Variants in BEST3 observed in about 807,000 individuals in gnomAD.
BEST3 encodes bestrophin 3.
A neutral mutation model predicts 47.1 loss-of-function variants in BEST3; 50 were observed. The ratio of observed to expected loss-of-function variants is 1.06; its 90% CI spans 0.85 to 1.34. The LOEUF is 1.34. Ranked by LOEUF, BEST3 falls within the 40% of genes most tolerant of loss-of-function variation. The pLI, the probability that BEST3 is intolerant of heterozygous loss-of-function variation, is 0.00. For synonymous variants in BEST3, 282 were observed against 298.8 expected (o/e 0.94, Z 0.58); for missense variants, 765 against 817.0 (o/e 0.94, Z 0.78).
chr12:69,662,437 T>G (rs775511), intron 9 of BEST3, among the ~76,000 whole-genome samples: 1 of 152,112 alleles, frequency 6.6e-6, no homozygotes. Flanking sequence ...AGTCTTCACT[T>G]ACTAAAATAT....
chr12:69,654,367 G>A lies in BEST3; in HGVS notation c.*540C>T, dbSNP rs551643548. 11 of 984,842 alleles carry A rather than the reference G, an allele frequency of 1.1e-5. No individual in the cohort carries two copies. Among genetic ancestry groups the A allele is most frequent in the Non-Finnish European group, 1.3e-5 (11 of 829,600 alleles). The allele number at this position is 984,842 out of a possible 1,614,324, so 61.0% of individuals were successfully genotyped here. On this transcript the variant is annotated 3_prime_UTR_variant, in exon 10 of 10. Transcript: ENST00000330891. ...TGATGAAGCTTAAGAATCAGGAAGT[G>A]ATAATAACAATAATAGTTATAAAAG... is the stretch of plus-strand genomic sequence containing the variant.
chr12:69,664,929 G>T (rs1279288721), intron 9 of BEST3, among the ~76,000 whole-genome samples: 1 of 152,082 alleles, frequency 6.6e-6, no homozygotes, highest in African/African-American at 2.4e-5. Flanking sequence ...CGTAAGATTT[G>T]CCCAGAAGAG....
chr12:69,673,106 C>A, intron 7 of BEST3, 141 bp from the exon 8 acceptor site: 1 of 628,522 alleles, frequency 1.6e-6, no homozygotes, highest in Non-Finnish European at 2.7e-6. Context: ...ATTGTTCTAC[C>A]GAGATATTTA....
intron 9 of BEST3, among the ~76,000 whole-genome samples, chr12:69,648,352 G>A (rs1883104522): frequency 6.6e-6 from 1 of 152,058 alleles, no homozygotes. Flanking sequence ...GAATTTGGGG[G>A]GATCTGAAAA....
rs1884670881 is a variant in BEST3 at position 69,672,930 on chromosome 12, A to G, written c.903T>C (p.Asp301=). 3 of 1,613,632 alleles carry G rather than the reference A, an allele frequency of 1.9e-6. No homozygotes were observed. The highest frequency in any genetic ancestry group is 4.5e-5 in the East Asian group (2 of 44,872). The change falls in exon 8 of 10, where the codon GAT becomes GAC. Residue 301 remains aspartate, a synonymous_variant. Transcript: ENST00000330891. ...AEQLINPFGE[D]DDDFETNWCI... is the part of the protein sequence containing the mutation. ...ACCAGTTAGTTTCAAAATCATCATC[A>G]TCTTCTCCAAAAGGGTTGATAAGCT...
chr12:69,670,570 C>T (rs1319484838), intron 9 of BEST3: 3 of 702,370 alleles, frequency 4.3e-6, no homozygotes, highest in African/African-American at 1.7e-5. Flanking sequence ...AGGGTTGAAG[C>T]GAGATCTCCT....
At position 69,646,031 on chromosome 12, in the gene BEST3, G is replaced by A. The variant is rs142411508; in HGVS notation, c.1101-2244C>T. ...GGCTCACTGCAACCTCTGCCCCCGAGGTTCAAGTGATTTTCCTGCCTCAGC... is the reference window on the plus strand; with the variant it reads ...GGCTCACTGCAACCTCTGCCCCCGAAGTTCAAGTGATTTTCCTGCCTCAGC... On this transcript the variant is annotated intron_variant, in intron 9 of 9. Coordinates refer to the BEST3 transcript ENST00000331471. Among the ~76,000 whole-genome samples the A allele has an allele frequency of 4.3e-3, 658 of 152,254 alleles. 2 individuals are homozygous for A. Among genetic ancestry groups the A allele is most frequent in the African/African-American group, 0.015 (624 of 41,524 alleles).
intron 3 of BEST3, 144 bp from the exon 4 acceptor site, chr12:69,694,051 A>G (rs1007098039): frequency 9.0e-6 from 6 of 667,464 alleles, no homozygotes; most frequent in African/African-American, 1.9e-5. Context: ...TGCCTTCCAG[A>G]AAAAAAATGT....
At chr12:69,689,093 G>A (rs1448825276) in intron 4 of BEST3, 1 of 985,500 alleles carries the variant, frequency 1.0e-6, no homozygotes, top group South Asian at 4.7e-5. Flanking sequence ...CCTCAGGCAG[G>A]AGCAGGTGCT....
intron 4 of BEST3, among the ~76,000 whole-genome samples, chr12:69,682,081 CAA>C (rs35331064): frequency 4.9e-5 from 5 of 102,314 alleles, no homozygotes; most frequent in Non-Finnish European, 5.5e-5. Flanking sequence ...GACTCCGTCT[CAA>C]AAAAAAAAAA....
intron 1 of BEST3, among the ~76,000 whole-genome samples, chr12:69,698,808 TG>T (rs1329333226): frequency 6.6e-6 from 1 of 152,226 alleles, no homozygotes; most frequent in East Asian, 1.9e-4. Flanking sequence ...CCTAAGGAAA[TG>T]AAACTCTGGA....
chr12:69,673,301 A>C (rs1884697338), intron 7 of BEST3, among the ~76,000 whole-genome samples: 1 of 152,240 alleles, frequency 6.6e-6, no homozygotes, highest in Non-Finnish European at 1.5e-5. Context: ...GGCACTCTGA[A>C]GGGTACACAG....
chr12:69,687,930 A>G (rs1160406954), intron 4 of BEST3, among the ~76,000 whole-genome samples: 2 of 152,196 alleles, frequency 1.3e-5, no homozygotes, highest in Non-Finnish European at 2.9e-5. Flanking sequence ...TCTGCTTATA[A>G]GGGTAGTCCC....
chr12:69,696,133 A>G (rs558682138), intron 2 of BEST3, among the ~76,000 whole-genome samples: 1 of 152,298 alleles, frequency 6.6e-6, no homozygotes, highest in Admixed American at 6.5e-5. Context: ...AACTCATCCT[A>G]TAGTTCTTGG....
At chr12:69,649,669 CTGTCCT>C (rs1171254575), downstream of BEST3, among the ~76,000 whole-genome samples, 2 of 152,202 alleles carry the variant, frequency 1.3e-5, no homozygotes, top group Non-Finnish European at 1.5e-5. Context: ...TTGTGGACGT[CTGTCCT>C]GTGCCTTGTA....
At chr12:69,662,520 C>G (rs945374834) in intron 9 of BEST3, among the ~76,000 whole-genome samples, 1 of 152,094 alleles carries the variant, frequency 6.6e-6, no homozygotes, top group Non-Finnish European at 1.5e-5. Flanking sequence ...ATATTTTGTG[C>G]ACATTAAGTA....
chr12:69,673,738 T>C (rs710723), intron 7 of BEST3, among the ~76,000 whole-genome samples: 72,296 of 151,922 alleles, frequency 0.48, 17,365 homozygotes, highest in Admixed American at 0.59. Context: ...GCCACTGTGC[T>C]TGGCCGAGCT....
chr12:69,684,646 T>C, intron 4 of BEST3: 1 of 618,786 alleles, frequency 1.6e-6, no homozygotes. Context: ...TCTGAGCCCT[T>C]CTCCAAGGGA....
intron 4 of BEST3, among the ~76,000 whole-genome samples, chr12:69,691,386 T>C (rs1885917448): frequency 6.6e-6 from 1 of 152,226 alleles, no homozygotes; most frequent in East Asian, 1.9e-4. Flanking sequence ...GCTAGTAAGC[T>C]GTGAGATAAA....
Sources: gnomAD v4.1 joint callset for allele counts (sites outside exome capture counted in the v4.1 genomes callset) on GRCh38, gnomAD v4.1.1 for gene constraint, MANE v1.5 for transcripts, NCBI Gene and HGNC (gene_info 2026-07-23, HGNC 2026-07-21) for gene names.